The following ODAD2 variants were observed in gnomAD, a reference collection of about 807,000 sequenced individuals.
ODAD2 encodes outer dynein arm docking complex subunit 2, also known as outer dynein arm-docking complex subunit 2.
ODAD2 carries 89 observed loss-of-function variants against 106.8 expected under a neutral mutation model. That is an observed-to-expected ratio of 0.83 (90% CI 0.70 to 0.99). The LOEUF is 0.99. Ranked by LOEUF, ODAD2 falls within the 50% of genes least tolerant of loss-of-function variation. The pLI is 0.00. For synonymous variants in ODAD2, 404 were observed against 436.2 expected, an observed-to-expected ratio of 0.93 and a Z score of 0.92; for missense variants, 1,168 against 1,238.5, an observed-to-expected ratio of 0.94 and a Z score of 0.85.
In ODAD2 at chr10:27,940,070, T is replaced by C; in HGVS notation, c.1987-63A>G. On this transcript the variant is annotated intron_variant, in intron 13 of 19. Coordinates refer to ENST00000305242, the MANE Select transcript of ODAD2 (RefSeq NM_018076.5). ...GTGAATATAAGTAACTGTTTACATT[T>C]ATTAATAAACATGCTGAACAAACTT... 5.1e-6 allele frequency: 6 copies of C among 1,165,810 alleles called. No individual in the cohort carries two copies. The East Asian group carries it at 7.5e-5, about 15-fold the overall frequency. The allele number at this position is 1,165,810 out of a possible 1,614,324, so 72.2% of individuals were successfully genotyped here.
chr10:27,938,120 G>A (rs1211681566), intron 14 of ODAD2, among the ~76,000 whole-genome samples: 2 of 152,062 alleles, frequency 1.3e-5, no homozygotes, highest in Non-Finnish European at 2.9e-5. Flanking sequence ...TGTATTTTTA[G>A]TAGAGATGGG....
At chr10:27,961,211 T>C (rs1430692405) in intron 10 of ODAD2, among the ~76,000 whole-genome samples, 2 of 152,228 alleles carry the variant, frequency 1.3e-5, no homozygotes, top group East Asian at 3.8e-4. Context: ...GCTACGTTGC[T>C]AGTAAGGGAA....
intron 11 of ODAD2, 118 bp from the exon 12 acceptor site, chr10:27,944,549 CCAGAGGTTACACA>C: frequency 1.1e-6 from 1 of 928,910 alleles, no homozygotes; most frequent in Non-Finnish European, 1.6e-6. Context: ...ATTTCCATTC[CCAGAGGTTACACA>C]CATCTGGCAT....
At chr10:27,816,249 T>C (rs1836126008) in intron 19 of ODAD2, among the ~76,000 whole-genome samples, 1 of 152,236 alleles carries the variant, frequency 6.6e-6, no homozygotes, top group Non-Finnish European at 1.5e-5. Context: ...AGTAATTGCC[T>C]AAATTGTGAA....
intron 16 of ODAD2, among the ~76,000 whole-genome samples, chr10:27,934,019 G>C (rs2134075979): frequency 6.6e-6 from 1 of 152,274 alleles, no homozygotes. Flanking sequence ...ATGGGGGCAG[G>C]TCTTTCCCAT....
intron 19 of ODAD2, among the ~76,000 whole-genome samples, chr10:27,844,796 T>A (rs1838596816): frequency 6.6e-6 from 1 of 152,254 alleles, no homozygotes; most frequent in South Asian, 2.1e-4. Flanking sequence ...TTAGCTTTTC[T>A]TTTTCATTTC....
At chr10:27,850,744 T>G (rs1366243790) in intron 19 of ODAD2, among the ~76,000 whole-genome samples, 2 of 152,164 alleles carry the variant, frequency 1.3e-5, no homozygotes, top group African/African-American at 4.8e-5. Context: ...GGAAAAAAAC[T>G]GTGAAACAAC....
intron 2 of ODAD2, among the ~76,000 whole-genome samples, chr10:27,992,036 G>A (rs1850266159): frequency 6.6e-6 from 1 of 152,172 alleles, no homozygotes; most frequent in Non-Finnish European, 1.5e-5. Flanking sequence ...GTGGCTATGG[G>A]TTACTGAACT....
chr10:27,891,687 T>A (rs781621808), intron 17 of ODAD2, among the ~76,000 whole-genome samples: 1 of 152,046 alleles, frequency 6.6e-6, no homozygotes, highest in South Asian at 2.1e-4. Context: ...TAAAAACTTT[T>A]AAAAACTCAT....
Position 27,824,013 on chromosome 10 carries a change from G to A in ODAD2, c.3022-11388C>T, listed in dbSNP as rs1439916468. ...AAATTAGCCGGGCGAGGTGGCGGGCGCCTGTAGTCCCAGCTACTCGGGAGG... is the reference window on the plus strand; with the variant it reads ...AAATTAGCCGGGCGAGGTGGCGGGCACCTGTAGTCCCAGCTACTCGGGAGG... On this transcript the variant is annotated intron_variant, in intron 19 of 19. Transcript: ENST00000305242. Among the ~76,000 whole-genome samples, 16 of 137,516 alleles carry A rather than the reference G, an allele frequency of 1.2e-4. 1 individual carries two copies. Among genetic ancestry groups the A allele is most frequent in the Non-Finnish European group, 1.5e-4 (10 of 66,620 alleles). 90.2% of individuals were successfully genotyped at this position (137,516 alleles called of 152,430 possible). A position where few individuals can be genotyped will look rare whatever the true frequency, so the allele number is the denominator to read the frequency against.
chr10:27,920,021 T>G (rs148010554), intron 16 of ODAD2, among the ~76,000 whole-genome samples: 1 of 152,080 alleles, frequency 6.6e-6, no homozygotes, highest in East Asian at 1.9e-4. Flanking sequence ...AAAACTAAGC[T>G]ATAGTTTATA....
chr10:27,906,822 A>T (rs1452422791), intron 17 of ODAD2, among the ~76,000 whole-genome samples: 2 of 152,146 alleles, frequency 1.3e-5, no homozygotes, highest in African/African-American at 4.8e-5. Flanking sequence ...ATGAGAACAC[A>T]TGGACACAGG....
chr10:27,874,322 G>C (rs1025312479), intron 17 of ODAD2, among the ~76,000 whole-genome samples: 2 of 152,166 alleles, frequency 1.3e-5, no homozygotes, highest in African/African-American at 4.8e-5. Context: ...TTGCCAGTCT[G>C]TGTCTTTTAA....
At chr10:27,916,940 A>C (rs1844419777) in intron 16 of ODAD2, among the ~76,000 whole-genome samples, 1 of 152,164 alleles carries the variant, frequency 6.6e-6, no homozygotes, top group Non-Finnish European at 1.5e-5. Flanking sequence ...TACAATCATG[A>C]TTGAAAATTT....
intron 19 of ODAD2, among the ~76,000 whole-genome samples, chr10:27,837,671 C>T (rs1046007197): frequency 6.6e-6 from 1 of 152,134 alleles, no homozygotes; most frequent in Non-Finnish European, 1.5e-5. Flanking sequence ...AAACGTGGGT[C>T]ATAAAGAACG....
At chr10:27,849,477 CCAG>C (rs1839076649) in intron 19 of ODAD2, among the ~76,000 whole-genome samples, 1 of 151,974 alleles carries the variant, frequency 6.6e-6, no homozygotes, top group Non-Finnish European at 1.5e-5. Context: ...GTGCAGCACA[CCAG>C]CATGGCACAT....
Position 27,940,680 on chromosome 10 carries a change from C to T in ODAD2, c.1869G>A (p.Thr623=), listed in dbSNP as rs189617150. 1.1e-4 allele frequency: 175 copies of T among 1,614,090 alleles called. No individual in the cohort carries two copies. Among genetic ancestry groups the T allele is most frequent in the South Asian group, 9.0e-4 (82 of 91,078 alleles). ...LALWSCSKSH[T]NKEAIRKAGG... Reference sequence around the variant, plus strand: ...CAGCTTTGCGGATGGCTTCTTTATTCGTATGACTCTTACTGCAGCTCCACA... The same window carrying T: ...CAGCTTTGCGGATGGCTTCTTTATTTGTATGACTCTTACTGCAGCTCCACA... Residue 623 remains threonine (T), a synonymous_variant, in exon 13 of 20, where the codon ACG becomes ACA. Coordinates refer to ENST00000305242, the MANE Select transcript of ODAD2 (RefSeq NM_018076.5).
At chr10:27,817,267 T>G (rs1836211114) in intron 19 of ODAD2, among the ~76,000 whole-genome samples, 2 of 152,218 alleles carry the variant, frequency 1.3e-5, no homozygotes, top group Admixed American at 1.3e-4. Flanking sequence ...TCACAACTTT[T>G]AACTCATGAT....
At chr10:27,924,614 GAAAAAAAAAAAA>G (rs60226782) in intron 16 of ODAD2, among the ~76,000 whole-genome samples, 19 of 12,650 alleles carry the variant, frequency 1.5e-3, no homozygotes, top group South Asian at 4.5e-3. Flanking sequence ...TGATTAGGAG[GAAAAAAAAAAAA>G]AAAAAAAAAA....
Sources: allele counts gnomAD v4.1 joint callset (sites outside exome capture counted in the v4.1 genomes callset), GRCh38; gene constraint gnomAD v4.1.1; transcripts MANE v1.5; gene names NCBI Gene and HGNC (gene_info 2026-07-23, HGNC 2026-07-21).